TEX52: variants seen among roughly 807,000 people sequenced by gnomAD.
TEX52 encodes the protein testis-expressed protein 52.
TEX52 carries 22 observed loss-of-function variants against 17.6 expected under a neutral mutation model. The ratio of observed to expected loss-of-function variants is 1.25; its 90% CI spans 0.89 to 1.78. The LOEUF (loss-of-function observed/expected upper bound fraction) is 1.78, where lower values mean the gene tolerates loss of function less well. TEX52 is among the 40% of genes most tolerant of loss of function. TEX52 has a pLI of 0.00. For missense variants in TEX52, 396 were observed against 372.3 expected (o/e 1.06, Z -0.52); for synonymous variants, 168 against 147.4 (o/e 1.14, Z -1.01).
At chr12:2,847,867 A>G (rs544489930), downstream of TEX52, among the ~76,000 whole-genome samples, 1 of 152,304 alleles carries the variant, frequency 6.6e-6, no homozygotes, top group South Asian at 2.1e-4. Flanking sequence ...TTTCATCCAC[A>G]CTGTAGCATC....
In TEX52 at chr12:2,849,082, T is replaced by C; in HGVS notation, c.*149A>G. The C allele has an allele frequency of 1.4e-6, 1 of 737,554 alleles. No individual in the cohort carries two copies. Among genetic ancestry groups the C allele is most frequent in the South Asian group, 1.9e-5 (1 of 52,112 alleles). The allele number at this position is 737,554 out of a possible 1,614,324, so 45.7% of individuals were successfully genotyped here. On this transcript the variant is annotated 3_prime_UTR_variant, in exon 3 of 3. Transcript: ENST00000637658. Reference sequence around the variant, plus strand: ...TCTCCAATAGCCTGGGGTACAGAGGTGGCTTGAGGCTGGGAGGATGGTGGA... The same window carrying C: ...TCTCCAATAGCCTGGGGTACAGAGGCGGCTTGAGGCTGGGAGGATGGTGGA...
downstream of TEX52, among the ~76,000 whole-genome samples, chr12:2,848,869 A>ACACACG (rs1427962302): frequency 1.2e-4 from 13 of 108,922 alleles, no homozygotes; most frequent in African/African-American, 3.3e-4. Context: ...CCCAACAGAC[A>ACACACG]CACACACGCA....
chr12:2,848,894 C>CAT, downstream of TEX52: 2 of 333,248 alleles, frequency 6.0e-6, no homozygotes, highest in Admixed American at 4.7e-5. Context: ...CACACACACA[C>CAT]ACACACACAC....
At position 2,855,282 on chromosome 12, in the gene TEX52, C is replaced by G; in HGVS notation, c.237G>C (p.Gln79His). The change falls in exon 2 of 3, where the codon CAG becomes CAC. Residue 79 changes from glutamine to histidine, a missense_variant. Transcript: ENST00000637658. ...PCTDMKSKVR[Q>H]RLIHPWKGGA... Reference sequence around the variant, plus strand: ...CACCCTTCCAAGGGTGGATGAGCCGCTGACGCACCTTGGACTTCATATCTG... The same window carrying G: ...CACCCTTCCAAGGGTGGATGAGCCGGTGACGCACCTTGGACTTCATATCTG... 1 of 1,520,164 alleles carries G rather than the reference C, an allele frequency of 6.6e-7. No individual in the cohort carries two copies. Among genetic ancestry groups the G allele is most frequent in the Non-Finnish European group, 8.8e-7 (1 of 1,134,624 alleles). 94.2% of individuals were successfully genotyped at this position (1,520,164 alleles called of 1,614,324 possible). A position where few individuals can be genotyped will look rare whatever the true frequency, so the allele number is the denominator to read the frequency against.
intron 1 of TEX52, 52 bp from the exon 2 acceptor site, chr12:2,855,498 G>A: frequency 7.4e-7 from 1 of 1,343,122 alleles, no homozygotes; most frequent in Non-Finnish European, 9.7e-7. Flanking sequence ...CAGGGGTGCA[G>A]AAAGGTGGGT....
chr12:2,853,044 C>T (rs1364499723), intron 2 of TEX52, among the ~76,000 whole-genome samples: 1 of 152,048 alleles, frequency 6.6e-6, no homozygotes, highest in African/African-American at 2.4e-5. Context: ...ATGATAGTTT[C>T]TACTCAGAAG....
chr12:2,855,458 CA>C lies in TEX52; in HGVS notation c.73-13del. On this transcript the variant is annotated splice_polypyrimidine_tract_variant and intron_variant, in intron 1 of 2. Coordinates refer to ENST00000637658, the MANE Select transcript of TEX52 (RefSeq NM_001365174.2). Reference sequence around the variant, plus strand: ...CTGGCCTGGACCATCTAGGGAGAGACAAAAGGGAGCCTGGGGAAGGTTGTGC... The same window carrying C: ...CTGGCCTGGACCATCTAGGGAGAGACAAAGGGAGCCTGGGGAAGGTTGTGC... 1.4e-6 allele frequency: 2 copies of C among 1,413,126 alleles called. No individual in the cohort carries two copies. Among genetic ancestry groups the C allele is most frequent in the East Asian group, 2.6e-5 (1 of 38,984 alleles). 87.5% of individuals were successfully genotyped at this position (1,413,126 alleles called of 1,614,324 possible). A position where few individuals can be genotyped will look rare whatever the true frequency, so the allele number is the denominator to read the frequency against.
At chr12:2,850,833 G>C (rs140214745) in intron 2 of TEX52, among the ~76,000 whole-genome samples, 4,779 of 151,428 alleles carry the variant, frequency 0.032, 230 homozygotes, top group African/African-American at 0.11. Flanking sequence ...ACCACTCCTG[G>C]CTAATTTTTT....
chr12:2,849,661 T>G, intron 2 of TEX52, 136 bp from the exon 3 acceptor site: 1 of 949,844 alleles, frequency 1.1e-6, no homozygotes, highest in East Asian at 2.6e-5. Context: ...ATCCCTTCTG[T>G]CTCTCCACCT....
Position 2,854,950 on chromosome 12 carries a change from C to T in TEX52, c.569G>A (p.Arg190Lys), listed in dbSNP as rs924806459. 7 of 1,536,030 alleles carry T rather than the reference C, an allele frequency of 4.6e-6. No individual in the cohort carries two copies. The highest frequency in any genetic ancestry group is 1.7e-4 in the Middle Eastern group (1 of 6,010). ...VEKLKLRSEA[R>K]APPLDAQGNI... ...GCCCTGGGCATCGAGTGGGGGTGCT[C>T]TTGCCTCACTCCTCAACTTGAGCTT... The change falls in exon 2 of 3, where the codon AGA becomes AAA. Residue 190 changes from arginine to lysine, a missense_variant. Transcript: ENST00000637658.
chr12:2,855,114 C>G lies in TEX52; in HGVS notation c.405G>C (p.Thr135=), dbSNP rs996339409. The change falls in exon 2 of 3, where the codon ACG becomes ACC. Residue 135 remains threonine, a synonymous_variant. Coordinates refer to ENST00000637658, the MANE Select transcript of TEX52 (RefSeq NM_001365174.2). The part of the protein sequence containing the change: ...TDSNAHRCPP[T]EHPIPPPSWM... ...AGGAGGGAGGGGGGATGGGGTGCTC[C>G]GTGGGGGGGCATCTGTGGGCATTGG... is the stretch of plus-strand genomic sequence containing the variant. 2.8e-5 allele frequency: 43 copies of G among 1,533,982 alleles called. No homozygotes were observed. Among genetic ancestry groups the G allele is most frequent in the Middle Eastern group, 3.3e-4 (2 of 5,984 alleles).
At position 2,849,542 on chromosome 12, in the gene TEX52, A is replaced by G. The variant is rs1293281996; in HGVS notation, c.624-17T>C. 4.6e-6 allele frequency: 7 copies of G among 1,535,896 alleles called. No homozygotes were observed. The highest frequency in any genetic ancestry group is 6.1e-6 in the Non-Finnish European group (7 of 1,146,772). On this transcript the variant is annotated splice_polypyrimidine_tract_variant and intron_variant, in intron 2 of 2. Coordinates refer to ENST00000637658, the MANE Select transcript of TEX52 (RefSeq NM_001365174.2). ...TGCCGGTACCTGTTGGGAGAAGGGT[A>G]TGGAGAGAACAGAGAGATCAAAGAA...
At chr12:2,850,571 C>T (rs151162410) in intron 2 of TEX52, among the ~76,000 whole-genome samples, 31 of 152,052 alleles carry the variant, frequency 2.0e-4, no homozygotes, top group African/African-American at 6.7e-4. Context: ...ATCATGCTTA[C>T]ATCTCATTCT....
At chr12:2,856,325 G>A (rs1166831982) in intron 1 of TEX52, among the ~76,000 whole-genome samples, 1 of 152,134 alleles carries the variant, frequency 6.6e-6, no homozygotes, top group Non-Finnish European at 1.5e-5. Flanking sequence ...CAACAAAAAT[G>A]TGCCTCTTTT....
At chr12:2,852,473 C>T (rs191741020) in intron 2 of TEX52, among the ~76,000 whole-genome samples, 1 of 152,160 alleles carries the variant, frequency 6.6e-6, no homozygotes, top group Non-Finnish European at 1.5e-5. Flanking sequence ...CTCAGACAGT[C>T]CTCCCACTTC....
At chr12:2,855,485 A>C in intron 1 of TEX52, 39 bp from the exon 2 acceptor site, 1 of 1,379,782 alleles carries the variant, frequency 7.2e-7, no homozygotes, top group Non-Finnish European at 9.4e-7. Flanking sequence ...AAGGTTGTGC[A>C]GACAGGGGTG....
intron 2 of TEX52, among the ~76,000 whole-genome samples, chr12:2,854,407 C>T (rs963125552): frequency 6.6e-6 from 1 of 152,212 alleles, no homozygotes; most frequent in African/African-American, 2.4e-5. Context: ...ACCTGAGGCT[C>T]CCCCCTTCAT....
rs569055360 is a variant in TEX52, at chr12:2,853,607, GTTT to G, written c.623+1286_623+1288del. On this transcript the variant is annotated intron_variant, in intron 2 of 2. Transcript: ENST00000637658. ...TGTTGTTGTTGTTGTTTTTGTTTTT[GTTT>G]TTGTTTTTTTTTCAGATTAAAAATC... 7.1e-3 allele frequency among the ~76,000 whole-genome samples: 1,030 copies of G among 145,518 alleles called. 4 individuals carry two copies. Among genetic ancestry groups the G allele is most frequent in the Middle Eastern group, 0.011 (3 of 276 alleles).
At chr12:2,856,710 G>T (rs2098088475) in intron 1 of TEX52, among the ~76,000 whole-genome samples, 1 of 152,202 alleles carries the variant, frequency 6.6e-6, no homozygotes, top group South Asian at 2.1e-4. Context: ...TTGAGCTTGG[G>T]CCCCTAAGTC....
Sources: allele counts gnomAD v4.1 joint callset (sites outside exome capture counted in the v4.1 genomes callset), GRCh38; gene constraint gnomAD v4.1.1; transcripts MANE v1.5; gene names NCBI Gene and HGNC (gene_info 2026-07-23, HGNC 2026-07-21).